The following PTPRQ variants were observed in gnomAD, a reference collection of about 807,000 sequenced individuals.
PTPRQ encodes protein tyrosine phosphatase receptor type Q.
PTPRQ carries 199 observed loss-of-function variants against 246.0 expected under a neutral mutation model. That is an observed-to-expected ratio of 0.81 (90% CI 0.72 to 0.91). The LOEUF is 0.91. Ranked by LOEUF, PTPRQ falls within the 40% of genes least tolerant of loss-of-function variation. The pLI is 0.00. For missense variants in PTPRQ, 2,624 were observed against 2,528.4 expected (o/e 1.04, Z -0.81); for synonymous variants, 869 against 853.2 (o/e 1.02, Z -0.32).
intron 6 of PTPRQ, chr12:80,462,020 G>T (rs1893196137): frequency 5.7e-6 from 4 of 700,916 alleles, no homozygotes; most frequent in Non-Finnish European, 1.0e-5. Flanking sequence ...ATGCAGGTCA[G>T]TGCGTGCAGT....
At position 80,664,323 on chromosome 12, in the gene PTPRQ, G is replaced by A. The variant is rs138855645; in HGVS notation, c.6193-4684G>A. On this transcript the variant is annotated intron_variant, in intron 39 of 44. Coordinates refer to ENST00000644991, the MANE Select transcript of PTPRQ (RefSeq NM_001145026.2). ...TTTATATTTCACTGATAAAACAAAA[G>A]CAATTAAAAGAGAACATTCACAAGG... Among the ~76,000 whole-genome samples, 1,008 of 151,936 alleles carry A rather than the reference G, an allele frequency of 6.6e-3. 7 individuals carry two copies. Among genetic ancestry groups the A allele is most frequent in the Non-Finnish European group, 9.9e-3 (669 of 67,914 alleles).
At chr12:80,473,832 G>T (rs1161520292) in intron 8 of PTPRQ, among the ~76,000 whole-genome samples, 1 of 152,176 alleles carries the variant, frequency 6.6e-6, no homozygotes, top group Non-Finnish European at 1.5e-5. Flanking sequence ...TTAAGTAGAT[G>T]ACTCCATTTG....
At chr12:80,606,907 T>C (rs1244348907) in intron 27 of PTPRQ, among the ~76,000 whole-genome samples, 1 of 150,878 alleles carries the variant, frequency 6.6e-6, no homozygotes, top group Non-Finnish European at 1.5e-5. Flanking sequence ...CTTTACTCTG[T>C]CAAATGAAAG....
intron 33 of PTPRQ, among the ~76,000 whole-genome samples, chr12:80,628,058 T>TC (rs1185367664): frequency 6.6e-6 from 1 of 152,164 alleles, no homozygotes; most frequent in Non-Finnish European, 1.5e-5. Context: ...AACATTTTTT[T>TC]CCCACTGAGT....
rs1565754408 is a variant in PTPRQ at position 80,510,390 on chromosome 12, G to A, written c.2625G>A (p.Trp875Ter). ...QLSGVTVKLSWQPPLEPNGII... is the reference protein window; with the variant it reads ...QLSGVTVKLS ...CTGGTGTCACGGTGAAGTTGTCATG[G>A]CAACCACCCCTGGAGCCAAATGGAA... Residue 875 changes from tryptophan to a stop codon, truncating the protein, a stop_gained, in exon 17 of 45, where the codon TGG becomes TGA. Coordinates refer to ENST00000644991, the MANE Select transcript of PTPRQ (RefSeq NM_001145026.2). LOFTEE classifies it high-confidence loss of function. 9 of 1,549,880 alleles carry A rather than the reference G, an allele frequency of 5.8e-6. No homozygotes were observed. The highest frequency in any genetic ancestry group is 7.9e-6 in the Non-Finnish European group (9 of 1,146,016).
At chr12:80,493,083 T>C (rs1322367905) in intron 9 of PTPRQ, among the ~76,000 whole-genome samples, 192 bp from the exon 10 acceptor site, 2 of 152,016 alleles carry the variant, frequency 1.3e-5, no homozygotes, top group African/African-American at 4.8e-5. Context: ...GATCACAATG[T>C]GTTACAATGA....
Position 80,588,815 on chromosome 12 carries a change from C to G in PTPRQ, c.4609+363C>G, listed in dbSNP as rs373203111. Among the ~76,000 whole-genome samples the G allele has an allele frequency of 2.4e-4, 36 of 152,292 alleles. 1 individual carries two copies. The highest frequency in any genetic ancestry group is 8.4e-4 in the African/African-American group (35 of 41,576). On this transcript the variant is annotated intron_variant, in intron 26 of 44. Transcript: ENST00000644991. Reference sequence around the variant, plus strand: ...TCCTTCATATTTAGAGGTTCTGTTGCTTTTAAGCCCAACTTTACAACCTTT... The same window carrying G: ...TCCTTCATATTTAGAGGTTCTGTTGGTTTTAAGCCCAACTTTACAACCTTT...
At chr12:80,465,390 G>T (rs1285551092) in intron 6 of PTPRQ, 1 of 152,182 alleles carries the variant, frequency 6.6e-6, no homozygotes, top group Non-Finnish European at 1.5e-5. Context: ...AAGAGTCCAG[G>T]ACCAGATGGA....
At chr12:80,465,206 A>G (rs1263222348) in intron 6 of PTPRQ, 2 of 151,882 alleles carry the variant, frequency 1.3e-5, no homozygotes, top group Non-Finnish European at 2.9e-5. Flanking sequence ...ACAAACTACC[A>G]TCAGAGAATA....
At chr12:80,626,722 GT>G (rs916388912) in intron 33 of PTPRQ, among the ~76,000 whole-genome samples, 10 of 152,070 alleles carry the variant, frequency 6.6e-5, no homozygotes, top group Non-Finnish European at 1.0e-4. Context: ...AAATCACTAA[GT>G]CCCCAAGTAG....
intron 25 of PTPRQ, among the ~76,000 whole-genome samples, chr12:80,550,250 G>T (rs1896433732): frequency 6.6e-6 from 1 of 152,058 alleles, no homozygotes; most frequent in Admixed American, 6.6e-5. Flanking sequence ...TTCCCTAGCA[G>T]TGCTCTGTCC....
At chr12:80,654,943 A>G (rs938836110) in intron 38 of PTPRQ, among the ~76,000 whole-genome samples, 12 of 152,086 alleles carry the variant, frequency 7.9e-5, no homozygotes, top group Non-Finnish European at 1.8e-4. Context: ...ACTTCCAAGG[A>G]GTGTCTAATT....
chr12:80,592,136 G>A (rs1273955167), intron 26 of PTPRQ, among the ~76,000 whole-genome samples: 1 of 152,094 alleles, frequency 6.6e-6, no homozygotes, highest in Non-Finnish European at 1.5e-5. Context: ...AGACACAGGG[G>A]AAATGGTCTT....
At chr12:80,548,862 G>C (rs973177359) in intron 24 of PTPRQ, among the ~76,000 whole-genome samples, 2 of 151,932 alleles carry the variant, frequency 1.3e-5, no homozygotes, top group Admixed American at 6.6e-5. Context: ...TGAGAAGCTG[G>C]GTTAGTTTCA....
At chr12:80,576,348 G>A (rs1185247186) in intron 25 of PTPRQ, among the ~76,000 whole-genome samples, 1 of 152,012 alleles carries the variant, frequency 6.6e-6, no homozygotes, top group Non-Finnish European at 1.5e-5. Flanking sequence ...CACCATGTTG[G>A]CTAGGCTAGT....
chr12:80,452,614 T>G (rs1169925887), intron 3 of PTPRQ, among the ~76,000 whole-genome samples: 1 of 152,190 alleles, frequency 6.6e-6, no homozygotes, highest in Non-Finnish European at 1.5e-5. Context: ...TTATTTCTCC[T>G]TCACTTATGA....
intron 17 of PTPRQ, among the ~76,000 whole-genome samples, chr12:80,528,795 G>GATCCTAATT (rs1394833703): frequency 6.6e-6 from 1 of 152,094 alleles, no homozygotes; most frequent in East Asian, 1.9e-4. Context: ...CTGCCTTCTG[G>GATCCTAATT]ATCCTAATTC....
chr12:80,484,135 A>T (rs1472606831), intron 8 of PTPRQ, among the ~76,000 whole-genome samples: 1 of 151,868 alleles, frequency 6.6e-6, no homozygotes, highest in Non-Finnish European at 1.5e-5. Context: ...CCTCCTGAGT[A>T]GCTGGGATTA....
chr12:80,578,583 C>T (rs892328017), intron 25 of PTPRQ, among the ~76,000 whole-genome samples: 47 of 151,932 alleles, frequency 3.1e-4, no homozygotes, highest in Non-Finnish European at 6.0e-4. Context: ...TTAGTAGAGA[C>T]GAGGTTCCAC....
Sources: gnomAD v4.1 joint callset for allele counts (sites outside exome capture counted in the v4.1 genomes callset) on GRCh38, gnomAD v4.1.1 for gene constraint, MANE v1.5 for transcripts, NCBI Gene and HGNC (gene_info 2026-07-23, HGNC 2026-07-21) for gene names.